ARSG: variants seen among roughly 807,000 people sequenced by gnomAD.
ARSG encodes the protein arylsulfatase G, also known as ASG.
Under a neutral mutation model 50.5 loss-of-function variants are expected in ARSG, and 37 were observed. The observed-to-expected ratio is 0.73, with a 90% CI of 0.56 to 0.96. The LOEUF (loss-of-function observed/expected upper bound fraction) is 0.96, where lower values mean the gene tolerates loss of function less well. Among genes scored for constraint, ARSG ranks in the 50% least tolerant of loss-of-function variants. The pLI is 0.00. For synonymous variants in ARSG, 225 were observed against 254.6 expected (o/e 0.88, Z 1.11); for missense variants, 629 against 675.3 (o/e 0.93, Z 0.76).
At chr17:68,366,025 C>A (rs1310575392) in intron 6 of ARSG, among the ~76,000 whole-genome samples, 1 of 152,068 alleles carries the variant, frequency 6.6e-6, no homozygotes, top group Non-Finnish European at 1.5e-5. Context: ...CAACCTCTGC[C>A]TCCTGGTTTC....
At chr17:68,320,668 C>T (rs981436069) in intron 2 of ARSG, among the ~76,000 whole-genome samples, 2 of 152,148 alleles carry the variant, frequency 1.3e-5, no homozygotes, top group Non-Finnish European at 2.9e-5. Flanking sequence ...GGACATGATC[C>T]TGCAAGCTGT....
At chr17:68,316,191 G>A (rs1309649637) in intron 2 of ARSG, among the ~76,000 whole-genome samples, 1 of 152,178 alleles carries the variant, frequency 6.6e-6, no homozygotes, top group Admixed American at 6.5e-5. Flanking sequence ...CAGGCTTCAA[G>A]CAGCTGATCG....
chr17:68,408,011 CTTT>C (rs77397594), intron 11 of ARSG, among the ~76,000 whole-genome samples: 3 of 129,764 alleles, frequency 2.3e-5, no homozygotes, highest in Admixed American at 7.7e-5. Flanking sequence ...CTGTGGGTTT[CTTT>C]TTTTTTTTTT....
chr17:68,390,961 G>A (rs553347789), intron 9 of ARSG, among the ~76,000 whole-genome samples: 5 of 147,946 alleles, frequency 3.4e-5, no homozygotes, highest in African/African-American at 1.3e-4. Context: ...AGAGACCCAC[G>A]AAGGCAGAAG....
upstream of ARSG, chr17:68,291,406 T>TCTCCGCCGGC (rs2075983465): frequency 6.9e-6 from 1 of 144,734 alleles, no homozygotes. Flanking sequence ...CTGCAGCCGG[T>TCTCCGCCGGC]CTCCGCCGGC....
At chr17:68,310,025 G>A (rs770073932) in intron 2 of ARSG, among the ~76,000 whole-genome samples, 2 of 150,870 alleles carry the variant, frequency 1.3e-5, no homozygotes, top group Non-Finnish European at 3.0e-5. Flanking sequence ...CCAGGTTGGC[G>A]TGCAGTGGCA....
At chr17:68,426,100 A>T, downstream of ARSG, 1 of 1,612,770 alleles carries the variant, frequency 6.2e-7, no homozygotes, top group Non-Finnish European at 8.5e-7. Context: ...CTCATCATCA[A>T]GACACACTGG....
Position 68,370,427 on chromosome 17 carries a change from CT to C in ARSG, c.902-12del. The C allele has an allele frequency of 1.2e-6, 2 of 1,613,470 alleles. No individual in the cohort carries two copies. Among genetic ancestry groups the C allele is most frequent in the Non-Finnish European group, 1.7e-6 (2 of 1,179,500 alleles). On this transcript the variant is annotated splice_polypyrimidine_tract_variant and intron_variant, in intron 7 of 11. Coordinates refer to ENST00000621439, the MANE Select transcript of ARSG (RefSeq NM_001267727.2). ...CCAACCAGCCTGGTGACCATTAATG[CT>C]TTTTCTGGTTTCTAGGAGACAATGG...
chr17:68,435,716 T>C, the ARSG span: 5 of 1,614,154 alleles, frequency 3.1e-6, no homozygotes, highest in Non-Finnish European at 4.2e-6. Context: ...CTGTTTTCTG[T>C]TGGTGAAAAG....
At chr17:68,364,898 G>T (rs1322576440) in intron 6 of ARSG, among the ~76,000 whole-genome samples, 1 of 152,194 alleles carries the variant, frequency 6.6e-6, no homozygotes, top group African/African-American at 2.4e-5. Context: ...GGACTAGTCT[G>T]TGTGGGCTCT....
chr17:68,361,941 C>CA lies in ARSG; in HGVS notation c.704+5142dup, dbSNP rs2079309440. ...AAGAACCATGACAACAACAAACAAA[C>CA]AAAAACAACAACAACAACAAAACCC... On this transcript the variant is annotated intron_variant, in intron 6 of 11. Transcript: ENST00000621439. Among the ~76,000 whole-genome samples the CA allele has an allele frequency of 2.6e-5, 4 of 152,010 alleles. No individual in the cohort carries two copies. The South Asian group carries it at 8.3e-4, about 32-fold the overall frequency.
downstream of ARSG, chr17:68,421,930 A>G: frequency 6.9e-7 from 1 of 1,439,096 alleles, no homozygotes; most frequent in Admixed American, 1.7e-5. Context: ...GAGGCTGGGC[A>G]CTGTGGAATT....
chr17:68,444,150 C>T, the ARSG span, among the ~76,000 whole-genome samples: 135 of 152,274 alleles, frequency 8.9e-4, no homozygotes, highest in African/African-American at 3.0e-3. Context: ...CTGTACTGAA[C>T]GAACCACAAA....
chr17:68,314,226 G>A (rs2076981380), intron 2 of ARSG, among the ~76,000 whole-genome samples: 1 of 151,692 alleles, frequency 6.6e-6, no homozygotes, highest in Non-Finnish European at 1.5e-5. Context: ...ATGTTGTGAG[G>A]GTTAAATTAA....
chr17:68,296,098 A>G (rs1478171712), intron 1 of ARSG, among the ~76,000 whole-genome samples: 1 of 152,200 alleles, frequency 6.6e-6, no homozygotes, highest in African/African-American at 2.4e-5. Flanking sequence ...TCCAAATCTC[A>G]GAACAAAATT....
intron 8 of ARSG, chr17:68,379,973 C>A: frequency 1.5e-6 from 1 of 663,054 alleles, no homozygotes; most frequent in African/African-American, 2.0e-5. Flanking sequence ...TTGAGCGACA[C>A]GGATTTGAAC....
At chr17:68,432,162 A>G in the ARSG span, among the ~76,000 whole-genome samples, 1 of 152,294 alleles carries the variant, frequency 6.6e-6, no homozygotes, top group Admixed American at 6.5e-5. Flanking sequence ...AAGTTCTGGA[A>G]AGATGAAGGA....
intron 11 of ARSG, 140 bp downstream of exon 11, chr17:68,401,590 T>C: frequency 1.4e-6 from 1 of 694,702 alleles, no homozygotes; most frequent in Non-Finnish European, 2.4e-6. Flanking sequence ...AAGCGTCTCC[T>C]CCAAACCCAG....
chr17:68,413,303 T>C (rs1600156906), intron 11 of ARSG, among the ~76,000 whole-genome samples: 1 of 152,046 alleles, frequency 6.6e-6, no homozygotes, highest in African/African-American at 2.4e-5. Context: ...GTTTTTGGTG[T>C]GGATGTCCTT....
Sources: gnomAD v4.1 joint callset for allele counts (sites outside exome capture counted in the v4.1 genomes callset) on GRCh38, gnomAD v4.1.1 for gene constraint, MANE v1.5 for transcripts, NCBI Gene and HGNC (gene_info 2026-07-23, HGNC 2026-07-21) for gene names.